ZMYM4: variants seen among roughly 807,000 people sequenced by gnomAD.
ZMYM4 encodes zinc finger MYM-type protein 4.
ZMYM4 carries 31 observed loss-of-function variants against 183.2 expected under a neutral mutation model. The observed-to-expected ratio is 0.17, with a 90% CI of 0.13 to 0.23. ZMYM4 has a LOEUF of 0.23. Among genes scored for constraint, ZMYM4 ranks in the 10% least tolerant of loss-of-function variants. The pLI, the probability that ZMYM4 is intolerant of heterozygous loss-of-function variation, is 1.00. For synonymous variants in ZMYM4, 592 were observed against 631.2 expected, an observed-to-expected ratio of 0.94 and a Z score of 0.93; for missense variants, 1,273 against 1,840.3, an observed-to-expected ratio of 0.69 and a Z score of 5.64.
chr1:35,276,531 C>G (rs1045473064), intron 1 of ZMYM4, among the ~76,000 whole-genome samples: 13 of 152,254 alleles, frequency 8.5e-5, no homozygotes, highest in African/African-American at 2.9e-4. Context: ...TTGTTTAAAT[C>G]ATCCAACTAA....
chr1:35,350,806 G>T (rs1643576799), intron 2 of ZMYM4: 1 of 507,908 alleles, frequency 2.0e-6, no homozygotes, highest in South Asian at 2.1e-5. Context: ...GGGTAAAACT[G>T]ATTACTATGC....
At chr1:35,384,784 A>C (rs1644537023) in intron 9 of ZMYM4, among the ~76,000 whole-genome samples, 1 of 151,848 alleles carries the variant, frequency 6.6e-6, no homozygotes, top group Non-Finnish European at 1.5e-5. Flanking sequence ...ATGACCTATT[A>C]ATAGACCCTG....
chr1:35,378,056 A>G (rs1383322661), intron 7 of ZMYM4, among the ~76,000 whole-genome samples: 1 of 152,214 alleles, frequency 6.6e-6, no homozygotes, highest in Non-Finnish European at 1.5e-5. Context: ...ATTCCATGAC[A>G]AGAAATTACT....
chr1:35,362,041 G>A (rs1643949032), intron 5 of ZMYM4, among the ~76,000 whole-genome samples: 2 of 152,092 alleles, frequency 1.3e-5, no homozygotes, highest in African/African-American at 4.8e-5. Context: ...GCATTTTAGC[G>A]CAAGGCTTTG....
At chr1:35,378,848 C>T (rs72659611) in intron 7 of ZMYM4, among the ~76,000 whole-genome samples, 7,231 of 152,288 alleles carry the variant, frequency 0.047, 232 homozygotes, top group South Asian at 0.071. Context: ...GCTACTGCTT[C>T]TCCATCAGCA....
In ZMYM4 at chr1:35,398,392, T is replaced by C. The variant is rs1371389872; in HGVS notation, c.3200-21T>C. 5.0e-6 allele frequency: 8 copies of C among 1,602,912 alleles called. No homozygotes were observed. In the Admixed American group the frequency reaches 1.4e-4, roughly 28 times the overall value. On this transcript the variant is annotated intron_variant, in intron 20 of 29. Coordinates refer to ENST00000314607, the MANE Select transcript of ZMYM4 (RefSeq NM_005095.3). ...TTGTTGTCTAAACATAAATTATTTA[T>C]GTGCTTTTCTTTTTCTTTAGAGTCC...
intron 26 of ZMYM4, among the ~76,000 whole-genome samples, chr1:35,412,031 C>G (rs1558197710): frequency 6.6e-6 from 1 of 152,010 alleles, no homozygotes; most frequent in South Asian, 2.1e-4. Flanking sequence ...CTACAGGCGC[C>G]CGCCACCGCG....
chr1:35,317,605 A>G (rs1419067020), intron 1 of ZMYM4, among the ~76,000 whole-genome samples: 1 of 152,216 alleles, frequency 6.6e-6, no homozygotes, highest in Non-Finnish European at 1.5e-5. Context: ...TGTTGCCAGT[A>G]AAGGCTGGTT....
At chr1:35,354,182 C>A (rs542054289) in intron 2 of ZMYM4, among the ~76,000 whole-genome samples, 2 of 152,040 alleles carry the variant, frequency 1.3e-5, no homozygotes, top group Admixed American at 6.6e-5. Context: ...AAATTGACAT[C>A]TCTGAGAAAA....
At chr1:35,346,732 A>G (rs1643411691) in intron 2 of ZMYM4, among the ~76,000 whole-genome samples, 1 of 151,704 alleles carries the variant, frequency 6.6e-6, no homozygotes, top group Non-Finnish European at 1.5e-5. Flanking sequence ...TTCTAAGCCT[A>G]TTTAACTCAG....
intron 16 of ZMYM4, 65 bp downstream of exon 16, chr1:35,392,417 C>G (rs769151174): frequency 1.6e-4 from 241 of 1,549,998 alleles, no homozygotes; most frequent in Admixed American, 4.3e-4. Flanking sequence ...CCCCTAACTT[C>G]CTTTCATCAG....
Position 35,276,569 on chromosome 1 carries a change from G to A in ZMYM4, c.39+7484G>A, listed in dbSNP as rs1188343. On this transcript the variant is annotated intron_variant, in intron 1 of 29. Transcript: ENST00000314607. ...GTTACACATTTCATTTAGTTTATAT[G>A]TTTCTTAAGTTTTTCTTAACCTTAA... Among the ~76,000 whole-genome samples, 1,256 of 151,910 alleles carry A rather than the reference G, an allele frequency of 8.3e-3. 21 individuals are homozygous for A. The highest frequency in any genetic ancestry group is 0.024 in the African/African-American group (1,009 of 41,454).
chr1:35,352,269 G>GCGCGCGCACACA (rs1366886543), intron 2 of ZMYM4, among the ~76,000 whole-genome samples: 41 of 124,582 alleles, frequency 3.3e-4, no homozygotes, highest in African/African-American at 1.4e-3. Flanking sequence ...ACGCGCGCGC[G>GCGCGCGCACACA]CACACACACA....
rs1404325300 is a variant in ZMYM4, at chr1:35,370,384, C to T, written c.938C>T (p.Thr313Ile). ...TTTTTTTTTAAAGCTCCACAGTTGA[C>T]TACTGGCTTTCAGCCCTCACTGGCG... The part of the protein sequence containing the change: ...VSGSPLAPQL[T>I]TGFQPSLASS... Residue 313 changes from threonine to isoleucine, a missense_variant, in exon 7 of 30, where the codon ACT (threonine) becomes ATT (isoleucine). By Grantham distance (89) the Thr-to-Ile change is moderately conservative. Coordinates refer to ENST00000314607, the MANE Select transcript of ZMYM4 (RefSeq NM_005095.3). 1.7e-6 allele frequency: 1 copy of T among 586,100 alleles called. No homozygotes were observed. The allele number at this position is 586,100 out of a possible 1,614,324, so 36.3% of individuals were successfully genotyped here.
chr1:35,394,162 C>CTTTTTTTTTTTTTTTTTTTTTTTTTTT (rs34277367), intron 18 of ZMYM4, among the ~76,000 whole-genome samples: 3 of 68,430 alleles, frequency 4.4e-5, no homozygotes, highest in African/African-American at 1.2e-4. Context: ...TCAGAGCTTT[C>CTTTTTTTTTTTTTTTTTTTTTTTTTTT]TTTTTTTTTT....
At chr1:35,351,314 C>A (rs1643597115) in intron 2 of ZMYM4, 3 of 1,578,164 alleles carry the variant, frequency 1.9e-6, no homozygotes, top group African/African-American at 1.3e-5. Context: ...GGAAGCACAT[C>A]ATGGGCCAGA....
At chr1:35,356,484 T>A (rs1369446711) in intron 2 of ZMYM4, among the ~76,000 whole-genome samples, 1 of 152,202 alleles carries the variant, frequency 6.6e-6, no homozygotes, top group Non-Finnish European at 1.5e-5. Flanking sequence ...CTCAATTGAT[T>A]ATTTTAGAAA....
At chr1:35,388,323 A>G (rs983252508) in intron 13 of ZMYM4, among the ~76,000 whole-genome samples, 2 of 150,586 alleles carry the variant, frequency 1.3e-5, no homozygotes, top group African/African-American at 4.9e-5. Context: ...TCCTGCCTCA[A>G]CCTCCCGAGT....
intron 1 of ZMYM4, among the ~76,000 whole-genome samples, chr1:35,279,652 T>C (rs573990636): frequency 3.9e-5 from 6 of 152,234 alleles, no homozygotes; most frequent in Non-Finnish European, 7.3e-5. Context: ...ACTATAAATA[T>C]CAAGGAGGAA....
Sources: allele counts gnomAD v4.1 joint callset (sites outside exome capture counted in the v4.1 genomes callset), GRCh38; gene constraint gnomAD v4.1.1; transcripts MANE v1.5; gene names NCBI Gene and HGNC (gene_info 2026-07-23, HGNC 2026-07-21).